The following TMEM132C variants were observed in gnomAD, a reference collection of about 807,000 sequenced individuals.
TMEM132C encodes the protein transmembrane protein 132C, also known as protein phosphatase 1, regulatory subunit 152.
A neutral mutation model predicts 61.4 loss-of-function variants in TMEM132C; 29 were observed. The ratio of observed to expected loss-of-function variants is 0.47; its 90% CI spans 0.35 to 0.64. The LOEUF (loss-of-function observed/expected upper bound fraction) is 0.64, where lower values mean the gene tolerates loss of function less well. Ranked by LOEUF, TMEM132C falls within the 30% of genes least tolerant of loss-of-function variation. TMEM132C has a pLI of 0.00. For missense variants in TMEM132C, 1,408 were observed against 1,476.9 expected, an observed-to-expected ratio of 0.95 and a Z score of 0.76; for synonymous variants, 656 against 633.1, an observed-to-expected ratio of 1.04 and a Z score of -0.54.
At chr12:128,407,777 C>T (rs190519205) in intron 1 of TMEM132C, among the ~76,000 whole-genome samples, 72 of 152,272 alleles carry the variant, frequency 4.7e-4, no homozygotes, top group Non-Finnish European at 1.3e-4. Flanking sequence ...CACAAGGCAG[C>T]CCAGATTCAA....
At chr12:128,320,820 A>T (rs1343250686) in intron 1 of TMEM132C, among the ~76,000 whole-genome samples, 1 of 151,782 alleles carries the variant, frequency 6.6e-6, no homozygotes, top group South Asian at 2.1e-4. Context: ...TACAAAAAAA[A>T]AAAGAAAGAA....
At chr12:128,398,256 C>T (rs1318144474) in intron 1 of TMEM132C, among the ~76,000 whole-genome samples, 4 of 152,226 alleles carry the variant, frequency 2.6e-5, no homozygotes, top group Non-Finnish European at 5.9e-5. Flanking sequence ...GCTAGCTGTA[C>T]ATACGTGCAA....
At chr12:128,444,585 T>C (rs1869909040) in intron 2 of TMEM132C, among the ~76,000 whole-genome samples, 1 of 152,180 alleles carries the variant, frequency 6.6e-6, no homozygotes, top group African/African-American at 2.4e-5. Flanking sequence ...GGAAGGGATG[T>C]GTGTAGCAAA....
intron 2 of TMEM132C, among the ~76,000 whole-genome samples, chr12:128,490,459 A>T (rs1019736899): frequency 6.6e-6 from 1 of 152,102 alleles, no homozygotes; most frequent in African/African-American, 2.4e-5. Context: ...ATTTAGAGGA[A>T]TGACTTTGTG....
intron 2 of TMEM132C, among the ~76,000 whole-genome samples, chr12:128,510,337 A>G (rs989503156): frequency 1.3e-5 from 2 of 152,218 alleles, no homozygotes; most frequent in Non-Finnish European, 2.9e-5. Context: ...GACACTTTGC[A>G]CATCGATCAC....
At chr12:128,437,483 C>G (rs1443589984) in intron 2 of TMEM132C, among the ~76,000 whole-genome samples, 1 of 152,150 alleles carries the variant, frequency 6.6e-6, no homozygotes, top group African/African-American at 2.4e-5. Flanking sequence ...GCCACTACCA[C>G]CACCAAGATA....
chr12:128,601,997 G>A (rs1876211149), intron 3 of TMEM132C, among the ~76,000 whole-genome samples: 2 of 151,982 alleles, frequency 1.3e-5, no homozygotes, highest in South Asian at 2.1e-4. Flanking sequence ...AGGATTGCTC[G>A]AGGCCAGGAA....
intron 1 of TMEM132C, among the ~76,000 whole-genome samples, chr12:128,360,775 G>A (rs1713638): frequency 0.022 from 3,305 of 152,212 alleles, 130 homozygotes; most frequent in African/African-American, 0.076. Context: ...CTTAGGAGCC[G>A]CCTTGATCCC....
chr12:128,618,043 T>G (rs1213571802), intron 4 of TMEM132C, among the ~76,000 whole-genome samples: 1 of 152,208 alleles, frequency 6.6e-6, no homozygotes, highest in South Asian at 2.1e-4. Context: ...CTTCATATGC[T>G]CAGTTCTGCC....
At chr12:128,428,754 T>C (rs962602384) in intron 2 of TMEM132C, among the ~76,000 whole-genome samples, 27 of 152,062 alleles carry the variant, frequency 1.8e-4, no homozygotes. Flanking sequence ...GACAACTGAG[T>C]CCAAATCCTG....
At chr12:128,461,032 A>C (rs1427013370) in intron 2 of TMEM132C, among the ~76,000 whole-genome samples, 1 of 152,190 alleles carries the variant, frequency 6.6e-6, no homozygotes, top group African/African-American at 2.4e-5. Context: ...AAAGAAAGTT[A>C]ATGAAGGCAT....
At chr12:128,588,863 G>A (rs1875645863) in intron 3 of TMEM132C, among the ~76,000 whole-genome samples, 2 of 152,196 alleles carry the variant, frequency 1.3e-5, no homozygotes, top group Admixed American at 6.5e-5. Flanking sequence ...CAGTCTGTGA[G>A]ATTTTATTAT....
chr12:128,560,832 G>A (rs1874485826), intron 3 of TMEM132C, among the ~76,000 whole-genome samples: 1 of 152,242 alleles, frequency 6.6e-6, no homozygotes, highest in Non-Finnish European at 1.5e-5. Flanking sequence ...TACAGATGAA[G>A]AAATGGGATC....
intron 3 of TMEM132C, among the ~76,000 whole-genome samples, chr12:128,581,260 T>C (rs1875325598): frequency 6.6e-6 from 1 of 152,130 alleles, no homozygotes; most frequent in Non-Finnish European, 1.5e-5. Flanking sequence ...GGAATCTTTT[T>C]TTTTTTTTAA....
rs937104325 is a variant in TMEM132C at position 128,707,768 on chromosome 12, T to A, written c.*1473T>A. ...TTTTTTAATTACTAAAATCAGTAGCTAAGAAAGGGTCCTTGAAGCCTCCTA... is the reference window on the plus strand; with the variant it reads ...TTTTTTAATTACTAAAATCAGTAGCAAAGAAAGGGTCCTTGAAGCCTCCTA... On this transcript the variant is annotated 3_prime_UTR_variant, in exon 9 of 9. Transcript: ENST00000435159. 2.0e-5 allele frequency: 3 copies of A among 152,172 alleles called. No homozygotes were observed. Among genetic ancestry groups the A allele is most frequent in the African/African-American group, 7.2e-5 (3 of 41,442 alleles). The allele number at this position is 152,172 out of a possible 1,614,324, so 9.4% of individuals were successfully genotyped here.
chr12:128,369,136 G>A (rs1452177097), intron 1 of TMEM132C, among the ~76,000 whole-genome samples: 1 of 152,080 alleles, frequency 6.6e-6, no homozygotes, highest in Non-Finnish European at 1.5e-5. Context: ...AGATGAGGAT[G>A]GTGATAATGA....
intron 4 of TMEM132C, among the ~76,000 whole-genome samples, chr12:128,642,685 G>A (rs1213439282): frequency 6.6e-6 from 1 of 152,134 alleles, no homozygotes; most frequent in Non-Finnish European, 1.5e-5. Flanking sequence ...TGCCAGCACT[G>A]TGCTTCTTGT....
intron 3 of TMEM132C, among the ~76,000 whole-genome samples, chr12:128,547,343 C>T (rs1873987876): frequency 6.6e-6 from 1 of 151,746 alleles, no homozygotes; most frequent in African/African-American, 2.4e-5. Flanking sequence ...GTGGTTCGTT[C>T]CTTGCCTTTG....
Position 128,534,918 on chromosome 12 carries a change from A to G in TMEM132C, c.975-9039A>G, listed in dbSNP as rs1873463237. 2.6e-5 allele frequency among the ~76,000 whole-genome samples: 4 copies of G among 152,258 alleles called. 1 individual carries two copies. Among genetic ancestry groups the G allele is most frequent in the Admixed American group, 2.0e-4 (3 of 15,280 alleles). Reference sequence around the variant, plus strand: ...CATGCACTATTAAGCGGAAAGAACAATTTGTAGCTTCAGTGAAATCTGAAA... The same window carrying G: ...CATGCACTATTAAGCGGAAAGAACAGTTTGTAGCTTCAGTGAAATCTGAAA... On this transcript the variant is annotated intron_variant, in intron 2 of 8. Transcript: ENST00000435159.
Sources: allele counts gnomAD v4.1 joint callset (sites outside exome capture counted in the v4.1 genomes callset), GRCh38; gene constraint gnomAD v4.1.1; transcripts MANE v1.5; gene names NCBI Gene and HGNC (gene_info 2026-07-23, HGNC 2026-07-21).